Variants in CACNA1A observed in about 807,000 individuals in gnomAD.
CACNA1A encodes calcium voltage-gated channel subunit alpha1 A, also known as voltage-dependent P/Q-type calcium channel subunit alpha-1A.
In CACNA1A, 57 loss-of-function variants were observed where a neutral mutation model predicts 262.4. That is an observed-to-expected ratio of 0.22 (90% CI 0.18 to 0.27). The LOEUF (loss-of-function observed/expected upper bound fraction) is 0.27, where lower values mean the gene tolerates loss of function less well. Among genes scored for constraint, CACNA1A ranks in the 10% least tolerant of loss-of-function variants. CACNA1A has a pLI of 1.00. For synonymous variants in CACNA1A, 1,431 were observed against 1,419.3 expected (o/e 1.01, Z -0.18); for missense variants, 2,526 against 3,562.8 (o/e 0.71, Z 7.41).
chr19:13,300,388 A>T (rs1469978087), intron 18 of CACNA1A, among the ~76,000 whole-genome samples, 162 bp downstream of exon 18: 1 of 152,108 alleles, frequency 6.6e-6, no homozygotes, highest in South Asian at 2.1e-4. Flanking sequence ...AACAGCTGCT[A>T]ACCAAATATT....
At chr19:13,373,176 G>T (rs578192626) in intron 3 of CACNA1A, among the ~76,000 whole-genome samples, 10 of 152,312 alleles carry the variant, frequency 6.6e-5, no homozygotes, top group African/African-American at 2.4e-4. Context: ...TTTTATTTTA[G>T]ACATGGGGTC....
chr19:13,376,812 T>C (rs1428612479), intron 3 of CACNA1A, among the ~76,000 whole-genome samples: 2 of 75,820 alleles, frequency 2.6e-5, no homozygotes, highest in African/African-American at 9.2e-5. Context: ...TAATATATGT[T>C]ATGTGTGATA....
At chr19:13,280,771 T>C (rs1347049181) in intron 22 of CACNA1A, among the ~76,000 whole-genome samples, 1 of 151,660 alleles carries the variant, frequency 6.6e-6, no homozygotes, top group Non-Finnish European at 1.5e-5. Flanking sequence ...TGAAACCCCG[T>C]CTCTACTAAA....
At chr19:13,462,353 C>T (rs2061139336) in intron 1 of CACNA1A, among the ~76,000 whole-genome samples, 1 of 152,132 alleles carries the variant, frequency 6.6e-6, no homozygotes, top group South Asian at 2.1e-4. Context: ...GCCAAACAGA[C>T]CTCATTTTCA....
chr19:13,348,605 A>G (rs976278916), intron 6 of CACNA1A, among the ~76,000 whole-genome samples: 4 of 152,224 alleles, frequency 2.6e-5, no homozygotes, highest in African/African-American at 4.8e-5. Flanking sequence ...TGGGAGGCCA[A>G]GGCGGGCGAA....
rs2055561795 is a variant in CACNA1A at position 13,228,744 on chromosome 19, G to A, written c.5529-1217C>T. On this transcript the variant is annotated intron_variant, in intron 36 of 46. Coordinates refer to ENST00000360228, the MANE Select transcript of CACNA1A (RefSeq NM_001127222.2). The stretch of plus-strand genomic sequence containing the variant: ...GACATTTCTTGCCTAAGCCGAGAGG[G>A]GGAGATATTACTCGTAATAAACTGT... 6.2e-7 allele frequency: 1 copy of A among 1,602,390 alleles called. No homozygotes were observed. The highest frequency in any genetic ancestry group is 1.7e-5 in the Admixed American group (1 of 58,918).
In CACNA1A at chr19:13,464,543, A is replaced by ATTTTTTTTTTTTTT. The variant is rs540418372; in HGVS notation, c.294-9345_294-9332dup. ...CTGCTAATAGTAAATAACTTTTCCA[A>ATTTTTTTTTTTTTT]TTTTTTTTTTTTTTTTTTTTTTAGA... On this transcript the variant is annotated intron_variant, in intron 1 of 46. Transcript: ENST00000360228. Among the ~76,000 whole-genome samples the ATTTTTTTTTTTTTT allele has an allele frequency of 2.1e-4, 27 of 128,946 alleles. 2 individuals are homozygous for ATTTTTTTTTTTTTT. The highest frequency in any genetic ancestry group is 6.9e-4 in the East Asian group (3 of 4,324). 84.6% of individuals were successfully genotyped at this position (128,946 alleles called of 152,430 possible). A position where few individuals can be genotyped will look rare whatever the true frequency, so the allele number is the denominator to read the frequency against.
intron 1 of CACNA1A, among the ~76,000 whole-genome samples, chr19:13,459,470 G>A (rs1004194384): frequency 3.9e-5 from 6 of 152,162 alleles, no homozygotes. Context: ...GGCAATTTGG[G>A]GAGCCAACAA....
intron 1 of CACNA1A, among the ~76,000 whole-genome samples, chr19:13,478,121 G>C (rs1247886398): frequency 2.0e-5 from 3 of 152,074 alleles, no homozygotes; most frequent in Non-Finnish European, 4.4e-5. Context: ...TGTTTTATTT[G>C]GTTCTTCCGT....
intron 36 of CACNA1A, among the ~76,000 whole-genome samples, chr19:13,228,282 GA>G (rs1467188484): frequency 6.6e-6 from 1 of 151,794 alleles, no homozygotes; most frequent in Non-Finnish European, 1.5e-5. Flanking sequence ...CCTAGGTGGG[GA>G]GCAGGGGCCA....
chr19:13,243,562 T>TTTC (rs1555740399), intron 31 of CACNA1A: 20 of 145,110 alleles, frequency 1.4e-4, no homozygotes, highest in South Asian at 4.3e-4. Context: ...TCTTTCTTTC[T>TTTC]TTTTTTTTTT....
intron 26 of CACNA1A, chr19:13,260,282 A>G (rs1032640348): frequency 6.7e-6 from 1 of 149,268 alleles, no homozygotes; most frequent in Non-Finnish European, 1.5e-5. Context: ...CATATAATAC[A>G]TATGTGTGTG....
chr19:13,355,260 C>T (rs569983638), intron 6 of CACNA1A, among the ~76,000 whole-genome samples: 3 of 152,266 alleles, frequency 2.0e-5, no homozygotes, highest in South Asian at 2.1e-4. Context: ...TGTGGGAAAC[C>T]AGCAAAAGCC....
chr19:13,439,234 G>A (rs769391668), intron 3 of CACNA1A, among the ~76,000 whole-genome samples: 5 of 111,486 alleles, frequency 4.5e-5, no homozygotes, highest in Non-Finnish European at 9.2e-5. Flanking sequence ...TCAGCCTCCC[G>A]AGTAGCTGGG....
chr19:13,457,129 T>C (rs1245009515), intron 1 of CACNA1A, among the ~76,000 whole-genome samples: 5 of 152,072 alleles, frequency 3.3e-5, no homozygotes, highest in Non-Finnish European at 7.4e-5. Flanking sequence ...CGCAGGCCTG[T>C]AGTGCCAGCT....
At chr19:13,434,702 C>T (rs566207672) in intron 3 of CACNA1A, among the ~76,000 whole-genome samples, 4 of 152,148 alleles carry the variant, frequency 2.6e-5, no homozygotes, top group Non-Finnish European at 5.9e-5. Flanking sequence ...CAGATGCTGC[C>T]ATGCTTTCTG....
rs752950486 is a variant in CACNA1A, at chr19:13,208,778, C to T, written c.6758G>A (p.Arg2253Gln). The T allele has an allele frequency of 1.0e-5, 16 of 1,568,908 alleles. 1 individual carries two copies. The highest frequency in any genetic ancestry group is 4.5e-4 in the Middle Eastern group (2 of 4,488). ...QRWSRSPSEG[R>Q]EHMAHRQGSS... ...CACCTGCCGGTGCGCCATGTGCTCT[C>T]GGCCCTCGCTGGGCGAGCGGGACCA... The change falls in exon 46 of 47, where the codon CGA becomes CAA. Residue 2253 changes from arginine to glutamine, a missense_variant. Arg to Gln is a conservative substitution (Grantham distance 43). Around this residue, in one of 17 missense-constraint regions of CACNA1A, gnomAD observed 929 missense variants for 868.1 expected, o/e 1.07. Coordinates refer to ENST00000360228, the MANE Select transcript of CACNA1A (RefSeq NM_001127222.2).
chr19:13,347,825 A>G (rs1057076123), intron 6 of CACNA1A, among the ~76,000 whole-genome samples: 1 of 152,220 alleles, frequency 6.6e-6, no homozygotes, highest in African/African-American at 2.4e-5. Flanking sequence ...GGTCAAGACA[A>G]ACATCTATGA....
Position 13,506,297 on chromosome 19 carries a change from C to G in CACNA1A, c.-73G>C. ...GAAGACGCCGCCGCCGCCGCCGCCG[C>G]CGCTGATGCTGAGGCTGCCGGGGCT... On this transcript the variant is annotated 5_prime_UTR_variant, in exon 1 of 47. Transcript: ENST00000360228. The G allele has an allele frequency of 7.6e-7, 1 of 1,321,132 alleles. No individual in the cohort carries two copies. The highest frequency in any genetic ancestry group is 9.8e-7 in the Non-Finnish European group (1 of 1,023,666). 81.8% of individuals were successfully genotyped at this position (1,321,132 alleles called of 1,614,324 possible). A position where few individuals can be genotyped will look rare whatever the true frequency, so the allele number is the denominator to read the frequency against.
Sources: gnomAD v4.1 joint callset for allele counts (sites outside exome capture counted in the v4.1 genomes callset) on GRCh38, gnomAD v4.1.1 for gene constraint, gnomAD v4.1.1 regional missense constraint, MANE v1.5 for transcripts, NCBI Gene and HGNC (gene_info 2026-07-23, HGNC 2026-07-21) for gene names.